RFX3: variants seen among roughly 807,000 people sequenced by gnomAD.
RFX3 encodes regulatory factor X3.
Under a neutral mutation model 98.6 loss-of-function variants are expected in RFX3, and 14 were observed. The observed-to-expected ratio is 0.14, with a 90% CI of 0.09 to 0.22. The LOEUF (loss-of-function observed/expected upper bound fraction) is 0.22, where lower values mean the gene tolerates loss of function less well. RFX3 is among the 10% of genes least tolerant of loss of function. The probability of loss-of-function intolerance (pLI) is 1.00; values close to 1 mark genes in which losing one functional copy is unlikely to be tolerated. For synonymous variants in RFX3, 383 were observed against 328.4 expected (o/e 1.17, Z -1.80); for missense variants, 639 against 926.9 (o/e 0.69, Z 4.03).
At chr9:3,419,469 C>G (rs1843261328) in intron 1 of RFX3, among the ~76,000 whole-genome samples, 1 of 152,140 alleles carries the variant, frequency 6.6e-6, no homozygotes, top group Non-Finnish European at 1.5e-5. Flanking sequence ...CATGCTCTGT[C>G]TTTTTGACAC....
chr9:3,327,968 T>C (rs1013604147), intron 4 of RFX3, among the ~76,000 whole-genome samples: 8 of 152,112 alleles, frequency 5.3e-5, no homozygotes, highest in African/African-American at 1.9e-4. Flanking sequence ...GATTAAACAA[T>C]TTGGTTAATT....
intron 1 of RFX3, among the ~76,000 whole-genome samples, chr9:3,398,621 TA>T (rs1226723840): frequency 6.6e-6 from 1 of 152,148 alleles, no homozygotes; most frequent in Non-Finnish European, 1.5e-5. Flanking sequence ...GCTGTTCAAC[TA>T]AGAGTAGATG....
At chr9:3,260,759 T>A (rs1236574955) in intron 13 of RFX3, among the ~76,000 whole-genome samples, 1 of 151,398 alleles carries the variant, frequency 6.6e-6, no homozygotes. Flanking sequence ...CTGAGAAACT[T>A]TGTTCTTGTA....
Position 3,335,105 on chromosome 9 carries a change from C to T in RFX3, c.216-4588G>A, listed in dbSNP as rs551182945. ...CTGCACTCCAGCCTGGGCAACAGAG[C>T]GAAACTCCATCTCAAAAAATAATAA... On this transcript the variant is annotated intron_variant, in intron 3 of 16. Coordinates refer to ENST00000617270, the MANE Select transcript of RFX3 (RefSeq NM_001282116.2). 5.9e-5 allele frequency among the ~76,000 whole-genome samples: 9 copies of T among 151,766 alleles called. No homozygotes were observed. The South Asian group carries it at 1.9e-3, about 32-fold the overall frequency.
intron 1 of RFX3, among the ~76,000 whole-genome samples, chr9:3,494,960 T>C (rs1479081938): frequency 6.6e-6 from 1 of 152,042 alleles, no homozygotes. Context: ...GCCTTACCAA[T>C]AGTGAGAGTC....
intron 1 of RFX3, among the ~76,000 whole-genome samples, chr9:3,520,066 T>A (rs1010114272): frequency 2.6e-5 from 4 of 152,170 alleles, no homozygotes; most frequent in Admixed American, 6.5e-5. Context: ...GCTATGACTA[T>A]GCCACTGCAC....
intron 1 of RFX3, among the ~76,000 whole-genome samples, chr9:3,468,815 G>GAAAAAAAAAAAAAAAAAAA (rs34057815): frequency 1.9e-4 from 16 of 84,228 alleles, no homozygotes; most frequent in Non-Finnish European, 2.7e-4. Context: ...TTTTCCTTTT[G>GAAAAAAAAAAAAAAAAAAA]AAAAAAAAAA....
intron 3 of RFX3, among the ~76,000 whole-genome samples, chr9:3,342,600 CA>C (rs761953098): frequency 6.6e-6 from 1 of 151,852 alleles, no homozygotes; most frequent in Non-Finnish European, 1.5e-5. Flanking sequence ...CTTCGACTAG[CA>C]TGATGTAGGA....
intron 13 of RFX3, among the ~76,000 whole-genome samples, chr9:3,258,041 G>A (rs571157269): frequency 6.6e-6 from 1 of 152,172 alleles, no homozygotes; most frequent in Admixed American, 6.5e-5. Flanking sequence ...TTCACTCAAG[G>A]CAAAACATAA....
chr9:3,456,201 T>C (rs569305936), intron 1 of RFX3, among the ~76,000 whole-genome samples: 9 of 152,350 alleles, frequency 5.9e-5, no homozygotes, highest in African/African-American at 1.9e-4. Flanking sequence ...CTTAAGTTTC[T>C]ACATCTCACT....
At chr9:3,385,413 G>A (rs1037132548) in intron 2 of RFX3, among the ~76,000 whole-genome samples, 4 of 152,094 alleles carry the variant, frequency 2.6e-5, no homozygotes, top group African/African-American at 9.7e-5. Context: ...GTGATCTGTT[G>A]AAGAAGAAAA....
chr9:3,305,233 A>G (rs1829143648), intron 4 of RFX3, among the ~76,000 whole-genome samples: 1 of 152,078 alleles, frequency 6.6e-6, no homozygotes. Flanking sequence ...GAGTGGTATG[A>G]GTGAGGCTGA....
At chr9:3,466,312 A>G (rs1848212723) in intron 1 of RFX3, among the ~76,000 whole-genome samples, 1 of 152,216 alleles carries the variant, frequency 6.6e-6, no homozygotes, top group African/African-American at 2.4e-5. Flanking sequence ...ACATCTTCCT[A>G]TTCCTAGCTC....
intron 1 of RFX3, among the ~76,000 whole-genome samples, chr9:3,467,122 ATATG>A (rs1447929443): frequency 1.1e-4 from 14 of 130,152 alleles, no homozygotes; most frequent in African/African-American, 2.5e-4. Flanking sequence ...ATACATACAT[ATATG>A]TAAGTATATA....
intron 15 of RFX3, among the ~76,000 whole-genome samples, chr9:3,240,948 A>T (rs1819835291): frequency 6.6e-6 from 1 of 152,226 alleles, no homozygotes; most frequent in African/African-American, 2.4e-5. Flanking sequence ...GCTACCTGAC[A>T]AACTCTTTAC....
intron 1 of RFX3, among the ~76,000 whole-genome samples, chr9:3,481,864 T>TA (rs147275253): frequency 0.12 from 18,824 of 151,586 alleles, 2,117 homozygotes; most frequent in East Asian, 0.57. Flanking sequence ...ATTGCCAAAA[T>TA]AAAAAAAATA....
intron 15 of RFX3, chr9:3,247,753 T>A: frequency 6.4e-7 from 1 of 1,561,882 alleles, no homozygotes; most frequent in Non-Finnish European, 8.6e-7. Context: ...CATATTCCAG[T>A]GGTTCTCAAG....
intron 2 of RFX3, among the ~76,000 whole-genome samples, chr9:3,382,549 A>G (rs1371464806): frequency 6.6e-6 from 1 of 152,176 alleles, no homozygotes; most frequent in Non-Finnish European, 1.5e-5. Flanking sequence ...TTTTTAGTTT[A>G]GTACCTGATT....
At chr9:3,357,343 A>G (rs1476718050) in intron 2 of RFX3, among the ~76,000 whole-genome samples, 2 of 151,996 alleles carry the variant, frequency 1.3e-5, no homozygotes, top group Non-Finnish European at 2.9e-5. Flanking sequence ...TTATCTCATC[A>G]ACCAATAGAA....
Sources: allele counts gnomAD v4.1 joint callset (sites outside exome capture counted in the v4.1 genomes callset), GRCh38; gene constraint gnomAD v4.1.1; transcripts MANE v1.5; gene names NCBI Gene and HGNC (gene_info 2026-07-23, HGNC 2026-07-21).